The following RD3 variants were observed in gnomAD, a reference collection of about 807,000 sequenced individuals.
The protein encoded by RD3 is RD3 regulator of GUCY2D.
RD3 carries 11 observed loss-of-function variants against 16.9 expected under a neutral mutation model. That is an observed-to-expected ratio of 0.65 (90% CI 0.41 to 1.08). The LOEUF (loss-of-function observed/expected upper bound fraction) is 1.08, where lower values mean the gene tolerates loss of function less well. Among genes scored for constraint, RD3 ranks in the 50% least tolerant of loss-of-function variants. The pLI, the probability that RD3 is intolerant of heterozygous loss-of-function variation, is 0.00. For synonymous variants in RD3, 116 were observed against 114.8 expected, an observed-to-expected ratio of 1.01 and a Z score of -0.07; for missense variants, 274 against 267.4, an observed-to-expected ratio of 1.02 and a Z score of -0.17.
In RD3 at chr1:211,491,945, G is replaced by T. The variant is rs573005358; in HGVS notation, c.-189C>A. 3.4e-5 allele frequency: 3 copies of T among 88,364 alleles called. No individual in the cohort carries two copies. Among genetic ancestry groups the T allele is most frequent in the Non-Finnish European group, 6.5e-5 (3 of 46,484 alleles). 5.5% of individuals were successfully genotyped at this position (88,364 alleles called of 1,614,324 possible). On this transcript the variant is annotated 5_prime_UTR_variant, in exon 1 of 3. Coordinates refer to ENST00000680073, the MANE Select transcript of RD3 (RefSeq NM_001164688.2). ...CTCCCTCAGCTTCTCTGCTGCTGCC[G>T]GCTGGCCTCAAATTTTGCCTCTCTT...
intron 1 of RD3, among the ~76,000 whole-genome samples, chr1:211,490,697 T>C (rs1456592600): frequency 2.0e-5 from 3 of 152,182 alleles, no homozygotes; most frequent in Admixed American, 6.5e-5. Flanking sequence ...AAACAACCTA[T>C]AATCCACCAA....
chr1:211,487,292 C>T (rs1443677839), intron 1 of RD3, among the ~76,000 whole-genome samples: 1 of 152,210 alleles, frequency 6.6e-6, no homozygotes, highest in African/African-American at 2.4e-5. Context: ...TGCTGTTCTC[C>T]CCCTCCCATA....
chr1:211,487,912 A>C (rs572782795), intron 1 of RD3, among the ~76,000 whole-genome samples: 1 of 152,206 alleles, frequency 6.6e-6, no homozygotes. Context: ...AGAGGGGGGA[A>C]AACAAGCAGA....
chr1:211,477,505 T>C lies in RD3; in HGVS notation c.*1531A>G, dbSNP rs1007373923. 2.6e-5 allele frequency: 4 copies of C among 151,536 alleles called. No homozygotes were observed. Among genetic ancestry groups the C allele is most frequent in the Non-Finnish European group, 5.9e-5 (4 of 67,894 alleles). 9.4% of individuals were successfully genotyped at this position (151,536 alleles called of 1,614,324 possible). A position where few individuals can be genotyped will look rare whatever the true frequency, so the allele number is the denominator to read the frequency against. On this transcript the variant is annotated 3_prime_UTR_variant, in exon 3 of 3. Transcript: ENST00000680073. Reference sequence around the variant, plus strand: ...CAAGTGAACTTTTTATGTCTTCAAATAAAATACGTAAGATGTTTAAGATGT... The same window carrying C: ...CAAGTGAACTTTTTATGTCTTCAAACAAAATACGTAAGATGTTTAAGATGT...
chr1:211,482,738 C>A (rs1705301374), intron 1 of RD3, among the ~76,000 whole-genome samples: 3 of 151,904 alleles, frequency 2.0e-5, no homozygotes, highest in Admixed American at 2.0e-4. Flanking sequence ...CAGATGTGGT[C>A]TGTGCTTCTG....
chr1:211,490,165 G>A (rs1000839462), intron 1 of RD3, among the ~76,000 whole-genome samples: 5 of 152,242 alleles, frequency 3.3e-5, no homozygotes, highest in Admixed American at 1.3e-4. Flanking sequence ...ACTCAGAGGG[G>A]GACCAGGGAT....
At chr1:211,490,225 G>A (rs1008982192) in intron 1 of RD3, among the ~76,000 whole-genome samples, 1 of 152,196 alleles carries the variant, frequency 6.6e-6, no homozygotes, top group Non-Finnish European at 1.5e-5. Flanking sequence ...CTGGAAGCAG[G>A]GCTCTGACCC....
At chr1:211,483,908 C>A (rs912891044) in intron 1 of RD3, among the ~76,000 whole-genome samples, 1 of 152,168 alleles carries the variant, frequency 6.6e-6, no homozygotes, top group Non-Finnish European at 1.5e-5. Flanking sequence ...TGCGAGCATG[C>A]GGAGTCACTG....
rs1220506481 is a variant in RD3 at position 211,481,305 on chromosome 1, C to T, written c.111G>A (p.Met37Ile). 11 of 1,614,160 alleles carry T rather than the reference C, an allele frequency of 6.8e-6. No homozygotes were observed. The highest frequency in any genetic ancestry group is 1.3e-5 in the African/African-American group (1 of 74,960). The change falls in exon 2 of 3, where the codon ATG (methionine) becomes ATA (isoleucine). Residue 37 changes from methionine (M) to isoleucine (I), a missense_variant. By Grantham distance (10) the Met-to-Ile change is conservative. Coordinates refer to ENST00000680073, the MANE Select transcript of RD3 (RefSeq NM_001164688.2). ...ETLMMELTGQMREAERQQRER... is the reference protein window; with the variant it reads ...ETLMMELTGQIREAERQQRER... ...CCCGCTGCTGCCTCTCAGCCTCTCG[C>T]ATCTGCCCCGTCAGCTCCATCATAA...
At chr1:211,482,450 T>C (rs1182024915) in intron 1 of RD3, among the ~76,000 whole-genome samples, 1 of 151,692 alleles carries the variant, frequency 6.6e-6, no homozygotes, top group Non-Finnish European at 1.5e-5. Context: ...AGCACTGATG[T>C]GGGAGGGGAA....
intron 1 of RD3, among the ~76,000 whole-genome samples, chr1:211,490,478 G>A (rs1433651208): frequency 1.3e-5 from 2 of 152,244 alleles, no homozygotes; most frequent in East Asian, 3.8e-4. Flanking sequence ...CAGCACCTGA[G>A]TCAGGCTGTC....
At chr1:211,487,048 G>A (rs1236875015) in intron 1 of RD3, among the ~76,000 whole-genome samples, 1 of 152,182 alleles carries the variant, frequency 6.6e-6, no homozygotes, top group Non-Finnish European at 1.5e-5. Flanking sequence ...ATTTGGACAT[G>A]CTGAGCTGAA....
At position 211,479,012 on chromosome 1, in the gene RD3, T is replaced by C. The variant is rs1280374065; in HGVS notation, c.*24A>G. The C allele has an allele frequency of 1.3e-6, 2 of 1,581,806 alleles. No homozygotes were observed. Among genetic ancestry groups the C allele is most frequent in the Admixed American group, 3.4e-5 (2 of 58,858 alleles). ...TCATTCCCCCTGCAGAAGGCTCCGC[T>C]TCTGGGCAGGGAAGCGGCCGGGGTC... On this transcript the variant is annotated 3_prime_UTR_variant, in exon 3 of 3. Coordinates refer to ENST00000680073, the MANE Select transcript of RD3 (RefSeq NM_001164688.2).
chr1:211,489,788 C>T (rs954677511), intron 1 of RD3, among the ~76,000 whole-genome samples: 9 of 152,070 alleles, frequency 5.9e-5, no homozygotes, highest in Admixed American at 3.3e-4. Context: ...TTCTGGTCAC[C>T]GTGTTGGGAG....
chr1:211,487,564 T>C (rs1188538920), intron 1 of RD3, among the ~76,000 whole-genome samples: 1 of 152,256 alleles, frequency 6.6e-6, no homozygotes, highest in Non-Finnish European at 1.5e-5. Flanking sequence ...TGCATGTTTA[T>C]GCATATTCAA....
intron 1 of RD3, among the ~76,000 whole-genome samples, chr1:211,485,570 C>T (rs914013289): frequency 6.6e-6 from 1 of 152,134 alleles, no homozygotes; most frequent in Non-Finnish European, 1.5e-5. Flanking sequence ...ACCTGAACCT[C>T]GGCTGAGACT....
chr1:211,479,349 TG>T (rs1486956604), intron 2 of RD3, 22 bp from the exon 3 acceptor site: 2 of 1,591,362 alleles, frequency 1.3e-6, no homozygotes, highest in Non-Finnish European at 1.7e-6. Context: ...GGGAGGGCGC[TG>T]GGGACATTCA....
At chr1:211,480,671 C>T (rs1166462247) in intron 2 of RD3, among the ~76,000 whole-genome samples, 1 of 152,054 alleles carries the variant, frequency 6.6e-6, no homozygotes, top group Admixed American at 6.6e-5. Flanking sequence ...CACACACACA[C>T]ACACACACAC....
At chr1:211,484,498 C>G (rs1483005160) in intron 1 of RD3, among the ~76,000 whole-genome samples, 2 of 152,042 alleles carry the variant, frequency 1.3e-5, no homozygotes, top group African/African-American at 4.8e-5. Flanking sequence ...CTCCTGTGGC[C>G]GGGAGAAATG....
Sources: allele counts gnomAD v4.1 joint callset (sites outside exome capture counted in the v4.1 genomes callset), GRCh38; gene constraint gnomAD v4.1.1; transcripts MANE v1.5; gene names NCBI Gene and HGNC (gene_info 2026-07-23, HGNC 2026-07-21).